The following FAM135A variants were observed in gnomAD, a reference collection of about 807,000 sequenced individuals.
FAM135A encodes family with sequence similarity 135 member A.
Under a neutral mutation model 146.8 loss-of-function variants are expected in FAM135A, and 79 were observed. That is an observed-to-expected ratio of 0.54 (90% CI 0.45 to 0.65). FAM135A has a LOEUF of 0.65. FAM135A is among the 30% of genes least tolerant of loss of function. FAM135A has a pLI of 0.00. For missense variants in FAM135A, 1,623 were observed against 1,758.2 expected, an observed-to-expected ratio of 0.92 and a Z score of 1.38; for synonymous variants, 562 against 603.6, an observed-to-expected ratio of 0.93 and a Z score of 1.01.
intron 16 of FAM135A, among the ~76,000 whole-genome samples, chr6:70,530,457 A>G (rs1795591611): frequency 1.3e-5 from 2 of 152,246 alleles, no homozygotes. Flanking sequence ...CTAAAAGATA[A>G]ATATCAGGTA....
At chr6:70,433,910 A>G (rs1429681626) in intron 4 of FAM135A, among the ~76,000 whole-genome samples, 1 of 152,206 alleles carries the variant, frequency 6.6e-6, no homozygotes, top group East Asian at 1.9e-4. Flanking sequence ...GTAAACAGAA[A>G]GCTCAGATAC....
intron 12 of FAM135A, among the ~76,000 whole-genome samples, chr6:70,505,732 A>G (rs972265148): frequency 1.1e-4 from 17 of 151,542 alleles, no homozygotes; most frequent in African/African-American, 4.1e-4. Context: ...TTTTTCTTGA[A>G]TTGTCTCACC....
At chr6:70,465,871 C>T (rs1044038320) in intron 5 of FAM135A, among the ~76,000 whole-genome samples, 10 of 152,280 alleles carry the variant, frequency 6.6e-5, no homozygotes, top group African/African-American at 1.9e-4. Context: ...CGAGAAATCT[C>T]CATTTCTTCC....
At position 70,428,431 on chromosome 6, in the gene FAM135A, AT is replaced by A. The variant is rs1182458621; in HGVS notation, c.77+14del. The A allele has an allele frequency of 5.7e-6, 9 of 1,568,586 alleles. No individual in the cohort carries two copies. The highest frequency in any genetic ancestry group is 7.8e-6 in the Non-Finnish European group (9 of 1,152,420). ...TTGTTTCAGAGAGGGTATGTATTTT[AT>A]TGTGAAAATGATATATTTTGCATAA... On this transcript the variant is annotated intron_variant, in intron 4 of 21. Transcript: ENST00000418814.
At chr6:70,530,260 C>T (rs1057095254) in intron 16 of FAM135A, among the ~76,000 whole-genome samples, 4 of 151,976 alleles carry the variant, frequency 2.6e-5, no homozygotes, top group Non-Finnish European at 4.4e-5. Flanking sequence ...ATTTAATATC[C>T]ATTCCTAATT....
At chr6:70,496,110 A>G (rs750770144) in intron 11 of FAM135A, among the ~76,000 whole-genome samples, 61 of 152,238 alleles carry the variant, frequency 4.0e-4, no homozygotes, top group Non-Finnish European at 7.8e-4. Flanking sequence ...GTGTGCATGT[A>G]TCTTTATAGT....
chr6:70,517,377 A>G (rs1351541582), intron 12 of FAM135A, among the ~76,000 whole-genome samples: 1 of 151,208 alleles, frequency 6.6e-6, no homozygotes, highest in Non-Finnish European at 1.5e-5. Flanking sequence ...CAAAAAATAC[A>G]ACTATTAGCC....
chr6:70,421,716 C>G (rs1321685392), intron 2 of FAM135A, among the ~76,000 whole-genome samples: 1 of 152,108 alleles, frequency 6.6e-6, no homozygotes, highest in Non-Finnish European at 1.5e-5. Context: ...GTAAGGAGCC[C>G]CATTTGAATA....
chr6:70,445,863 C>T (rs913891965), intron 4 of FAM135A, among the ~76,000 whole-genome samples: 1 of 152,098 alleles, frequency 6.6e-6, no homozygotes, highest in Non-Finnish European at 1.5e-5. Flanking sequence ...GGGGGCTGTT[C>T]CCAACATATC....
intron 20 of FAM135A, among the ~76,000 whole-genome samples, chr6:70,549,684 A>C (rs981650270): frequency 6.6e-6 from 1 of 152,198 alleles, no homozygotes; most frequent in African/African-American, 2.4e-5. Context: ...CTGAGCCTTC[A>C]GTTAATCATA....
intron 5 of FAM135A, among the ~76,000 whole-genome samples, chr6:70,455,271 A>G (rs961040619): frequency 2.0e-5 from 3 of 151,948 alleles, no homozygotes; most frequent in Admixed American, 2.0e-4. Flanking sequence ...TTGCACATTG[A>G]TTTCGTTATC....
At chr6:70,523,035 T>C (rs1233039697) in intron 13 of FAM135A, among the ~76,000 whole-genome samples, 1 of 152,200 alleles carries the variant, frequency 6.6e-6, no homozygotes, top group African/African-American at 2.4e-5. Context: ...GTAGATTTAG[T>C]CCTGGTTTTC....
At chr6:70,541,958 T>C (rs189137226) in intron 20 of FAM135A, among the ~76,000 whole-genome samples, 1 of 152,342 alleles carries the variant, frequency 6.6e-6, no homozygotes, top group East Asian at 1.9e-4. Context: ...TCTCTTCTTC[T>C]TTGCCACTGC....
chr6:70,494,731 C>T (rs547979188), intron 11 of FAM135A, among the ~76,000 whole-genome samples: 15 of 152,144 alleles, frequency 9.9e-5, no homozygotes, highest in African/African-American at 3.4e-4. Context: ...TCTTTCAGAA[C>T]TGCGGTATCA....
chr6:70,427,993 C>T (rs548184805), intron 3 of FAM135A, among the ~76,000 whole-genome samples: 7 of 152,178 alleles, frequency 4.6e-5, no homozygotes, highest in Middle Eastern at 3.4e-3. Context: ...AAGTTCCTAT[C>T]TATAAGAGAT....
intron 12 of FAM135A, among the ~76,000 whole-genome samples, chr6:70,506,905 G>A (rs1255907740): frequency 6.6e-6 from 1 of 151,810 alleles, no homozygotes; most frequent in South Asian, 2.1e-4. Flanking sequence ...AAGGATTAGA[G>A]GCAACTTTAT....
At chr6:70,533,904 A>G (rs1796295910) in intron 18 of FAM135A, 50 bp downstream of exon 18, 4 of 998,052 alleles carry the variant, frequency 4.0e-6, no homozygotes, top group East Asian at 3.2e-5. Flanking sequence ...TATGAATTGT[A>G]TAAAAGTTAA....
At chr6:70,422,082 CTGT>C (rs1768974821) in intron 2 of FAM135A, among the ~76,000 whole-genome samples, 1 of 152,174 alleles carries the variant, frequency 6.6e-6, no homozygotes, top group Admixed American at 6.5e-5. Flanking sequence ...TGAATTTGCT[CTGT>C]TGTTGAATTT....
intron 5 of FAM135A, among the ~76,000 whole-genome samples, chr6:70,465,741 A>G (rs1335880815): frequency 6.6e-6 from 1 of 152,210 alleles, no homozygotes; most frequent in East Asian, 1.9e-4. Flanking sequence ...CAGCAGCTAT[A>G]CTGTTTCACG....
Sources: allele counts gnomAD v4.1 joint callset (sites outside exome capture counted in the v4.1 genomes callset), GRCh38; gene constraint gnomAD v4.1.1; transcripts MANE v1.5; gene names NCBI Gene and HGNC (gene_info 2026-07-23, HGNC 2026-07-21).